Variants in EYS observed in about 807,000 individuals in gnomAD.
EYS encodes protein eyes shut homolog.
Under a neutral mutation model 282.1 loss-of-function variants are expected in EYS, and 250 were observed. The observed-to-expected ratio is 0.89, with a 90% CI of 0.80 to 0.98. EYS has a LOEUF of 0.98. EYS is among the 50% of genes least tolerant of loss of function. The pLI is 0.00. For missense variants in EYS, 4,016 were observed against 3,709.0 expected, an observed-to-expected ratio of 1.08 and a Z score of -2.15; for synonymous variants, 1,355 against 1,282.9, an observed-to-expected ratio of 1.06 and a Z score of -1.20.
chr6:64,310,297 A>G (rs575800633), intron 29 of EYS, among the ~76,000 whole-genome samples: 1 of 152,288 alleles, frequency 6.6e-6, no homozygotes, highest in South Asian at 2.1e-4. Context: ...GTTCACTGCA[A>G]CACTATTCAC....
chr6:63,841,715 C>T (rs990499230), intron 36 of EYS, among the ~76,000 whole-genome samples: 1 of 152,032 alleles, frequency 6.6e-6, no homozygotes, highest in Non-Finnish European at 1.5e-5. Flanking sequence ...ACCCATCAAC[C>T]CATCATCTAT....
Position 64,626,237 on chromosome 6 carries a change from G to C in EYS, c.3452C>G (p.Pro1151Arg), listed in dbSNP as rs1385587687. 4 of 1,525,444 alleles carry C rather than the reference G, an allele frequency of 2.6e-6. No homozygotes were observed. The highest frequency in any genetic ancestry group is 1.4e-5 in the African/African-American group (1 of 71,342). The allele number at this position is 1,525,444 out of a possible 1,614,324, so 94.5% of individuals were successfully genotyped here. A position where few individuals can be genotyped will look rare whatever the true frequency, so the allele number is the denominator to read the frequency against. The change falls in exon 23 of 43, where the codon CCT becomes CGT. Residue 1151 changes from proline (P) to arginine (R), a missense_variant. Transcript: ENST00000503581. Reference protein sequence around the residue: ...PGHTFDCRCLPGFSGQFCEIN... With the variant: ...PGHTFDCRCLRGFSGQFCEIN... ...TTCACAAAATTGACCAGAAAATCCA[G>C]GAAGACATCTAAGGAAAAAAAATGA... is the stretch of plus-strand genomic sequence containing the variant.
intron 8 of EYS, among the ~76,000 whole-genome samples, chr6:65,367,049 T>C (rs1764939899): frequency 6.6e-6 from 1 of 151,706 alleles, no homozygotes; most frequent in Non-Finnish European, 1.5e-5. Context: ...AAGTCCTTTT[T>C]GCCATGTTAG....
chr6:65,405,094 ATTAT>A (rs1582248617), intron 6 of EYS, 76 bp downstream of exon 6: 2 of 949,944 alleles, frequency 2.1e-6, no homozygotes, highest in East Asian at 5.1e-5. Flanking sequence ...AAGGATTCTA[ATTAT>A]TTATTCTTTT....
rs544212651 is a variant in EYS at position 64,325,558 on chromosome 6, T to A, written c.6079-18476A>T. Among the ~76,000 whole-genome samples the A allele has an allele frequency of 1.3e-3, 191 of 152,168 alleles. No individual in the cohort carries two copies. The Middle Eastern group carries it at 0.031, about 24-fold the overall frequency. On this transcript the variant is annotated intron_variant, in intron 29 of 42. Transcript: ENST00000503581. ...TAGTTCACCAGAAATAGTTCCAACCTAAGAAGAAATCTCTGATTTACCTGA... is the reference window on the plus strand; with the variant it reads ...TAGTTCACCAGAAATAGTTCCAACCAAAGAAGAAATCTCTGATTTACCTGA...
chr6:65,075,458 G>A (rs984850235), intron 12 of EYS, among the ~76,000 whole-genome samples: 1 of 151,842 alleles, frequency 6.6e-6, no homozygotes, highest in African/African-American at 2.4e-5. Flanking sequence ...CAATATAGTT[G>A]CTAATTTATG....
intron 15 of EYS, among the ~76,000 whole-genome samples, chr6:64,943,555 A>C (rs1346839910): frequency 5.3e-5 from 8 of 152,006 alleles, no homozygotes; most frequent in Non-Finnish European, 1.2e-4. Flanking sequence ...CAAATCCAGA[A>C]TCCATTTACA....
At chr6:63,738,676 A>T (rs1219241871) in intron 41 of EYS, among the ~76,000 whole-genome samples, 1 of 151,814 alleles carries the variant, frequency 6.6e-6, no homozygotes, top group African/African-American at 2.4e-5. Context: ...AGCATGGCAC[A>T]TGTATACATA....
intron 12 of EYS, among the ~76,000 whole-genome samples, chr6:65,173,413 A>T (rs1562003996): frequency 6.7e-6 from 1 of 149,034 alleles, no homozygotes; most frequent in Non-Finnish European, 1.5e-5. Context: ...AAATCAAAAT[A>T]GAACGGGGGA....
intron 22 of EYS, among the ~76,000 whole-genome samples, chr6:64,658,626 C>T (rs62417978): frequency 0.11 from 16,014 of 152,256 alleles, 1,001 homozygotes; most frequent in East Asian, 0.16. Flanking sequence ...CCACTCCAGA[C>T]CCTGTTTGCC....
chr6:64,929,983 A>G (rs1768656538), intron 15 of EYS, among the ~76,000 whole-genome samples: 1 of 152,172 alleles, frequency 6.6e-6, no homozygotes, highest in Non-Finnish European at 1.5e-5. Flanking sequence ...TCTGACTAAG[A>G]GATTTGCTCA....
chr6:65,515,689 G>T (rs1316839528), intron 2 of EYS, among the ~76,000 whole-genome samples: 1 of 150,020 alleles, frequency 6.7e-6, no homozygotes, highest in Non-Finnish European at 1.5e-5. Flanking sequence ...ACTATCGCAA[G>T]GACAAAAAAC....
intron 12 of EYS, among the ~76,000 whole-genome samples, chr6:65,105,391 TG>T (rs1775007336): frequency 1.3e-5 from 2 of 151,786 alleles, no homozygotes; most frequent in African/African-American, 4.8e-5. Flanking sequence ...CATAATGTAG[TG>T]GTTATATCAT....
intron 26 of EYS, among the ~76,000 whole-genome samples, chr6:64,480,163 T>C (rs1381460610): frequency 6.6e-6 from 1 of 151,944 alleles, no homozygotes; most frequent in East Asian, 1.9e-4. Flanking sequence ...TAGTAACTCA[T>C]GTAATACTCA....
chr6:64,098,072 G>T (rs185851464), intron 31 of EYS, among the ~76,000 whole-genome samples: 104 of 152,236 alleles, frequency 6.8e-4, no homozygotes, highest in African/African-American at 2.4e-3. Context: ...ATCTTACTGG[G>T]TCTAGTAAAC....
intron 31 of EYS, among the ~76,000 whole-genome samples, chr6:64,188,975 T>G (rs1562244723): frequency 6.6e-6 from 1 of 152,304 alleles, no homozygotes; most frequent in South Asian, 2.1e-4. Flanking sequence ...TTTTTCATAC[T>G]TCTTTCCTCA....
Position 64,590,785 on chromosome 6 carries a change from T to C in EYS, c.5082A>G (p.Val1694=). 6.4e-7 allele frequency: 1 copy of C among 1,550,462 alleles called. No homozygotes were observed. The highest frequency in any genetic ancestry group is 1.2e-5 in the South Asian group (1 of 84,006). ...TSKMTTDELS[V]SENILKLLKI... ...TCAATAGTTTTAAAATGTTTTCTGATACTGACAGTTCATCAGTAGTCATTT... is the reference window on the plus strand; with the variant it reads ...TCAATAGTTTTAAAATGTTTTCTGACACTGACAGTTCATCAGTAGTCATTT... Residue 1694 remains valine (V), a synonymous_variant, in exon 26 of 43, where the codon GTA becomes GTG. Transcript: ENST00000503581.
chr6:65,545,687 T>A (rs1768358839), intron 2 of EYS, among the ~76,000 whole-genome samples: 1 of 152,046 alleles, frequency 6.6e-6, no homozygotes, highest in African/African-American at 2.4e-5. Flanking sequence ...TAAATCAAAA[T>A]AAGCTACATA....
intron 4 of EYS, among the ~76,000 whole-genome samples, chr6:65,491,911 A>C (rs1766059702): frequency 6.6e-6 from 1 of 152,204 alleles, no homozygotes; most frequent in South Asian, 2.1e-4. Context: ...GAACATTTAC[A>C]CACAGATACA....
Sources: gnomAD v4.1 joint callset for allele counts (sites outside exome capture counted in the v4.1 genomes callset) on GRCh38, gnomAD v4.1.1 for gene constraint, MANE v1.5 for transcripts, NCBI Gene and HGNC (gene_info 2026-07-23, HGNC 2026-07-21) for gene names.